ZFHX3: variants seen among roughly 807,000 people sequenced by gnomAD.
ZFHX3 encodes zinc finger homeobox 3.
ZFHX3 carries 42 observed loss-of-function variants against 279.1 expected under a neutral mutation model. That is an observed-to-expected ratio of 0.15 (90% CI 0.12 to 0.19). ZFHX3 has a LOEUF of 0.19. Ranked by LOEUF, ZFHX3 falls within the 10% of genes least tolerant of loss-of-function variation. The probability of loss-of-function intolerance (pLI) is 1.00; values close to 1 mark genes in which losing one functional copy is unlikely to be tolerated. For missense variants in ZFHX3, 4,981 were observed against 4,754.0 expected (o/e 1.05, Z -1.40); for synonymous variants, 2,293 against 1,957.8 (o/e 1.17, Z -4.52).
At chr16:72,981,124 G>A (rs180926689) in intron 1 of ZFHX3, among the ~76,000 whole-genome samples, 369 of 152,180 alleles carry the variant, frequency 2.4e-3, no homozygotes, top group Admixed American at 4.1e-3. Context: ...CTCCCAGGCC[G>A]GGCCCCAGCT....
chr16:73,830,657 T>A (rs1960971411), intron 1 of ZFHX3, among the ~76,000 whole-genome samples: 1 of 152,202 alleles, frequency 6.6e-6, no homozygotes. Context: ...TTGCCTCTCT[T>A]CTCTTCTACA....
chr16:73,124,927 C>T (rs1380429450), intron 7 of ZFHX3, among the ~76,000 whole-genome samples: 1 of 152,156 alleles, frequency 6.6e-6, no homozygotes, highest in African/African-American at 2.4e-5. Context: ...CTAACTTCTT[C>T]CTCTTGCCTA....
intron 2 of ZFHX3, among the ~76,000 whole-genome samples, chr16:73,485,920 T>G (rs746102990): frequency 2.0e-4 from 31 of 152,224 alleles, no homozygotes; most frequent in Non-Finnish European, 4.4e-4. Flanking sequence ...GACAGAATTT[T>G]CTGTCTAATC....
chr16:73,009,928 G>C (rs1390668547), intron 1 of ZFHX3, among the ~76,000 whole-genome samples: 1 of 150,522 alleles, frequency 6.6e-6, no homozygotes, highest in African/African-American at 2.5e-5. Flanking sequence ...GGCTGAGGCA[G>C]GAGAATCATT....
chr16:73,206,850 T>G lies in ZFHX3; in HGVS notation c.-1104+50197A>C, dbSNP rs185968210. Among the ~76,000 whole-genome samples, 337 of 152,042 alleles carry G rather than the reference T, an allele frequency of 2.2e-3. 4 individuals carry two copies. The highest frequency in any genetic ancestry group is 7.0e-3 in the African/African-American group (292 of 41,478). On this transcript the variant is annotated intron_variant, in intron 5 of 17. Transcript: ENST00000641206. ...CTGGCCAACATGGTGAAACCCCATT[T>G]CTAATAAAAATATTAAAATTATCCG... is the stretch of plus-strand genomic sequence containing the variant.
chr16:73,621,304 G>C (rs933871193), intron 2 of ZFHX3, among the ~76,000 whole-genome samples: 5 of 151,588 alleles, frequency 3.3e-5, no homozygotes, highest in Non-Finnish European at 7.4e-5. Flanking sequence ...ATAAAATGCT[G>C]TTGGATAAAG....
At chr16:73,305,802 T>C (rs1039545334) in intron 4 of ZFHX3, among the ~76,000 whole-genome samples, 3 of 152,158 alleles carry the variant, frequency 2.0e-5, no homozygotes, top group Non-Finnish European at 2.9e-5. Context: ...CATCTCATGA[T>C]GGTAGAATAT....
intron 1 of ZFHX3, among the ~76,000 whole-genome samples, chr16:73,875,230 T>C (rs1002880840): frequency 7.9e-5 from 12 of 152,110 alleles, no homozygotes; most frequent in Non-Finnish European, 1.2e-4. Context: ...AATCAGCCAT[T>C]TTTGGCTAAT....
chr16:73,782,170 G>A (rs1003939146), intron 1 of ZFHX3, among the ~76,000 whole-genome samples: 26 of 152,096 alleles, frequency 1.7e-4, no homozygotes, highest in Non-Finnish European at 1.5e-4. Flanking sequence ...AACCGTACAC[G>A]GAGCTCCTGT....
chr16:73,261,545 G>A (rs1427329488), intron 4 of ZFHX3, among the ~76,000 whole-genome samples: 1 of 151,636 alleles, frequency 6.6e-6, no homozygotes, highest in Non-Finnish European at 1.5e-5. Flanking sequence ...TTTAACCTAA[G>A]GTATTCATTG....
intron 5 of ZFHX3, among the ~76,000 whole-genome samples, chr16:73,212,476 A>G (rs1376371953): frequency 1.3e-5 from 2 of 152,232 alleles, no homozygotes; most frequent in African/African-American, 4.8e-5. Context: ...GCATTCTGGT[A>G]AGATATTTAT....
At chr16:73,557,985 T>C (rs1421884451) in intron 2 of ZFHX3, among the ~76,000 whole-genome samples, 3 of 152,174 alleles carry the variant, frequency 2.0e-5, no homozygotes, top group Non-Finnish European at 2.9e-5. Context: ...TCAAAGCAAT[T>C]ATACCTCAGA....
chr16:73,614,767 TTC>T (rs985244005), intron 2 of ZFHX3, among the ~76,000 whole-genome samples: 11 of 151,534 alleles, frequency 7.3e-5, no homozygotes, highest in African/African-American at 2.7e-4. Context: ...TTCCTTCTTC[TTC>T]TTTTTTTTTG....
chr16:72,954,244 C>A (rs1961137866), intron 2 of ZFHX3, among the ~76,000 whole-genome samples: 1 of 152,190 alleles, frequency 6.6e-6, no homozygotes, highest in Non-Finnish European at 1.5e-5. Context: ...GTGGCGCATG[C>A]CTGTAATCCC....
chr16:73,371,124 C>A (rs1436503996), intron 3 of ZFHX3, among the ~76,000 whole-genome samples: 1 of 151,876 alleles, frequency 6.6e-6, no homozygotes, highest in South Asian at 2.1e-4. Flanking sequence ...GAGTTCAAGA[C>A]CAGCCTGGCC....
intron 5 of ZFHX3, among the ~76,000 whole-genome samples, chr16:73,198,912 A>G (rs1025000429): frequency 2.6e-5 from 4 of 152,214 alleles, no homozygotes; most frequent in Admixed American, 2.6e-4. Flanking sequence ...TCTCAAAGCA[A>G]ACCATCAACA....
intron 4 of ZFHX3, among the ~76,000 whole-genome samples, chr16:72,860,698 G>A (rs2037865909): frequency 2.0e-5 from 3 of 152,158 alleles, no homozygotes; most frequent in Admixed American, 2.0e-4. Flanking sequence ...CTAAAGTGCT[G>A]GGATTACAGG....
At chr16:73,790,214 C>A (rs1003593552) in intron 1 of ZFHX3, among the ~76,000 whole-genome samples, 1 of 151,102 alleles carries the variant, frequency 6.6e-6, no homozygotes, top group Non-Finnish European at 1.5e-5. Flanking sequence ...CAGAATGTAT[C>A]CTGGATCTTA....
At chr16:73,676,454 T>G (rs1025157947) in intron 2 of ZFHX3, among the ~76,000 whole-genome samples, 9 of 151,878 alleles carry the variant, frequency 5.9e-5, no homozygotes, top group African/African-American at 2.2e-4. Flanking sequence ...GATTAAATAA[T>G]GGTTTTGAGA....
Sources: gnomAD v4.1 joint callset for allele counts (sites outside exome capture counted in the v4.1 genomes callset) on GRCh38, gnomAD v4.1.1 for gene constraint, MANE v1.5 for transcripts, NCBI Gene and HGNC (gene_info 2026-07-23, HGNC 2026-07-21) for gene names.